Variants in TMEM272 observed in about 807,000 individuals in gnomAD.
TMEM272 encodes the protein long intergenic non-protein coding RNA 282.
A neutral mutation model predicts 3.7 loss-of-function variants in TMEM272; 8 were observed. The observed-to-expected ratio is 2.17, with a 90% confidence interval of 1.27 to 3.91. TMEM272 has a LOEUF of 3.91. Ranked by LOEUF, TMEM272 falls within the 30% of genes most tolerant of loss-of-function variation. The probability of loss-of-function intolerance (pLI) is 0.00; values close to 1 mark genes in which losing one functional copy is unlikely to be tolerated. For missense variants in TMEM272, 166 were observed against 91.5 expected (o/e 1.81, Z -3.32); for synonymous variants, 63 against 39.8 (o/e 1.58, Z -2.20).
At chr13:51,914,200 C>CT in the TMEM272 span, among the ~76,000 whole-genome samples, 1 of 152,216 alleles carries the variant, frequency 6.6e-6, no homozygotes, top group African/African-American at 2.4e-5. Flanking sequence ...TCACCAGTTC[C>CT]ACGGGTGCTA....
chr13:51,821,174 T>G (rs7335860), intron 4 of TMEM272, among the ~76,000 whole-genome samples: 6,519 of 152,272 alleles, frequency 0.043, 428 homozygotes, highest in African/African-American at 0.15. Flanking sequence ...TACTTGGCAC[T>G]CTTGACTCAG....
chr13:51,859,504 A>AAACACACACACACACACACACACACACAC, the TMEM272 span, among the ~76,000 whole-genome samples: 1 of 125,694 alleles, frequency 8.0e-6, no homozygotes, highest in African/African-American at 3.4e-5. Flanking sequence ...ACTCCCAACC[A>AAACACACACACACACACACACACACACAC]AACACACACA....
the TMEM272 span, chr13:51,908,453 G>T: frequency 1.3e-5 from 20 of 1,528,836 alleles, no homozygotes; most frequent in Non-Finnish European, 1.6e-5. Flanking sequence ...CTCCAAACAT[G>T]GTTCCTGGAG....
chr13:51,826,186 G>A lies in TMEM272; in HGVS notation c.118+380C>T, dbSNP rs545919536. On this transcript the variant is annotated intron_variant, in intron 3 of 4. Transcript: ENST00000629372. ...ATAGAGTGCCCATACATCACCTAAC[G>A]CCAGGTGCATTTTTTGTATTGCTTG... 7.9e-4 allele frequency among the ~76,000 whole-genome samples: 114 copies of A among 144,404 alleles called. 1 individual carries two copies. Among genetic ancestry groups the A allele is most frequent in the African/African-American group, 2.7e-3 (106 of 38,564 alleles). The allele number at this position is 144,404 out of a possible 152,430, so 94.7% of individuals were successfully genotyped here.
the TMEM272 span, among the ~76,000 whole-genome samples, chr13:51,911,128 C>T: frequency 2.0e-5 from 3 of 152,172 alleles, no homozygotes; most frequent in Admixed American, 6.5e-5. Flanking sequence ...GTATCTGTTG[C>T]CTGAAATCAT....
the TMEM272 span, among the ~76,000 whole-genome samples, chr13:51,891,369 G>A: frequency 2.0e-5 from 3 of 152,192 alleles, no homozygotes; most frequent in Admixed American, 6.5e-5. Context: ...GCCATTACCT[G>A]ACAGATTCCT....
In TMEM272 at chr13:51,826,583, A is replaced by G. The variant is rs1026784908; in HGVS notation, c.101T>C (p.Leu34Pro). The G allele has an allele frequency of 1.4e-6, 1 of 702,518 alleles. No homozygotes were observed. Among genetic ancestry groups the G allele is most frequent in the Non-Finnish European group, 2.6e-6 (1 of 385,012 alleles). 43.5% of individuals were successfully genotyped at this position (702,518 alleles called of 1,614,324 possible). A position where few individuals can be genotyped will look rare whatever the true frequency, so the allele number is the denominator to read the frequency against. Residue 34 changes from leucine to proline, a missense_variant, in exon 3 of 5, where the codon CTG becomes CCG. Leu to Pro is a moderately conservative substitution (Grantham distance 98). Transcript: ENST00000629372. Reference sequence around the variant, plus strand: ...CAGCTTACCTATGAAGGTCATGGACAGCGGCAGAGCCAGGAAAGCACAGAG... The same window carrying G: ...CAGCTTACCTATGAAGGTCATGGACGGCGGCAGAGCCAGGAAAGCACAGAG... ...VVLCAFLALPLSMTFIGMKFL... is the reference protein window; with the variant it reads ...VVLCAFLALPPSMTFIGMKFL...
chr13:51,909,481 TTC>T, the TMEM272 span: 3 of 924,476 alleles, frequency 3.2e-6, no homozygotes, highest in African/African-American at 4.9e-5. Context: ...GTCATTAACT[TTC>T]TGTTGAAGTT....
At chr13:51,910,098 G>A in the TMEM272 span, 2 of 1,088,020 alleles carry the variant, frequency 1.8e-6, no homozygotes, top group Non-Finnish European at 2.8e-6. Context: ...ATCTTCTAGA[G>A]ACTGTATCTT....
chr13:51,882,708 A>G, the TMEM272 span, among the ~76,000 whole-genome samples: 89 of 151,930 alleles, frequency 5.9e-4, 1 homozygote, highest in Admixed American at 5.9e-4. Context: ...TAAATATTAC[A>G]AACTTTTCAT....
chr13:51,844,482 C>T lies in TMEM272; in HGVS notation c.-24+534G>A, dbSNP rs79422323. Among the ~76,000 whole-genome samples, 645 of 152,320 alleles carry T rather than the reference C, an allele frequency of 4.2e-3. 4 individuals carry two copies. The highest frequency in any genetic ancestry group is 0.015 in the African/African-American group (608 of 41,570). ...TCTTATCTGTAGCTCTCTGTGTAAC[C>T]TGTGCTGTTTTCTCTCCTAACCATG... On this transcript the variant is annotated intron_variant, in intron 1 of 4. Transcript: ENST00000629372.
the TMEM272 span, among the ~76,000 whole-genome samples, chr13:51,853,723 A>G: frequency 4.6e-5 from 7 of 152,376 alleles, no homozygotes; most frequent in African/African-American, 1.4e-4. Flanking sequence ...AAAAATGTTT[A>G]AAGAAATTGG....
the TMEM272 span, among the ~76,000 whole-genome samples, chr13:51,894,377 T>C: frequency 6.6e-6 from 1 of 152,196 alleles, no homozygotes; most frequent in Non-Finnish European, 1.5e-5. Flanking sequence ...ACCAGCTTTA[T>C]GCCCTCCCAG....
chr13:51,877,153 T>G, the TMEM272 span, among the ~76,000 whole-genome samples: 1 of 152,202 alleles, frequency 6.6e-6, no homozygotes, highest in African/African-American at 2.4e-5. Flanking sequence ...ACCTGCACAA[T>G]GTGACCCCCT....
At chr13:51,926,743 G>A in the TMEM272 span, among the ~76,000 whole-genome samples, 6,614 of 152,190 alleles carry the variant, frequency 0.043, 449 homozygotes, top group African/African-American at 0.15. Flanking sequence ...TCCTCTGAAT[G>A]CTCTAAGGTG....
At chr13:51,868,444 G>T in the TMEM272 span, among the ~76,000 whole-genome samples, 1 of 152,262 alleles carries the variant, frequency 6.6e-6, no homozygotes, top group East Asian at 1.9e-4. Context: ...GGATAAGTAA[G>T]CTGTGTACAA....
intron 2 of TMEM272, among the ~76,000 whole-genome samples, chr13:51,831,671 A>AT (rs1188916820): frequency 6.6e-6 from 1 of 152,184 alleles, no homozygotes; most frequent in Non-Finnish European, 1.5e-5. Flanking sequence ...CTCTCGCCTG[A>AT]TCCCCCTGCC....
the TMEM272 span, among the ~76,000 whole-genome samples, chr13:51,872,020 G>A: frequency 2.6e-5 from 4 of 152,264 alleles, no homozygotes; most frequent in African/African-American, 9.6e-5. Context: ...TGCACACAGA[G>A]CTTCTAATAA....
At chr13:51,882,503 G>A in the TMEM272 span, among the ~76,000 whole-genome samples, 9 of 152,268 alleles carry the variant, frequency 5.9e-5, no homozygotes, top group South Asian at 2.1e-4. Flanking sequence ...ATACCAAAGC[G>A]TGGTCACAAT....
Sources: allele counts gnomAD v4.1 joint callset (sites outside exome capture counted in the v4.1 genomes callset), GRCh38; gene constraint gnomAD v4.1.1; transcripts MANE v1.5; gene names NCBI Gene and HGNC (gene_info 2026-07-23, HGNC 2026-07-21).